PSMB7: variants seen among roughly 807,000 people sequenced by gnomAD.
PSMB7 encodes the protein proteasome 20S subunit beta 7, also known as proteasome subunit beta type-7.
In PSMB7, 5 loss-of-function variants were observed where a neutral mutation model predicts 28.1. The observed-to-expected ratio is 0.18, with a 90% CI of 0.09 to 0.37. PSMB7 has a LOEUF of 0.37. Ranked by LOEUF, PSMB7 falls within the 10% of genes least tolerant of loss-of-function variation. The pLI is 1.00. For missense variants in PSMB7, 275 were observed against 346.2 expected, an observed-to-expected ratio of 0.79 and a Z score of 1.63; for synonymous variants, 122 against 123.7, an observed-to-expected ratio of 0.99 and a Z score of 0.09.
intron 5 of PSMB7, among the ~76,000 whole-genome samples, chr9:124,403,523 C>T (rs958229613): frequency 1.3e-5 from 2 of 152,060 alleles, no homozygotes; most frequent in Non-Finnish European, 2.9e-5. Flanking sequence ...GAGAGCCTGT[C>T]AAAAAATCTC....
chr9:124,396,064 C>T (rs997405339), intron 5 of PSMB7, among the ~76,000 whole-genome samples: 2 of 152,204 alleles, frequency 1.3e-5, no homozygotes, highest in Non-Finnish European at 2.9e-5. Flanking sequence ...CAGCAACACA[C>T]GGCTATGAAG....
intron 6 of PSMB7, among the ~76,000 whole-genome samples, chr9:124,370,755 G>T (rs924878290): frequency 2.0e-5 from 3 of 152,182 alleles, no homozygotes; most frequent in African/African-American, 7.2e-5. Context: ...GTAGGCAGTG[G>T]TCTCAATTAA....
intron 5 of PSMB7, among the ~76,000 whole-genome samples, chr9:124,392,257 C>T (rs1248047333): frequency 1.3e-5 from 2 of 152,264 alleles, no homozygotes; most frequent in Non-Finnish European, 2.9e-5. Flanking sequence ...CAACTTCCCA[C>T]TCTTTCTTCA....
At position 124,356,828 on chromosome 9, in the gene PSMB7, C is replaced by G; in HGVS notation, c.658G>C (p.Val220Leu). The change falls in exon 7 of 8, where the codon GTC becomes CTC. Residue 220 changes from valine to leucine, a missense_variant. Physicochemically the swap from Val to Leu is conservative, Grantham distance 32. Coordinates refer to ENST00000259457, the MANE Select transcript of PSMB7 (RefSeq NM_002799.4). This position sits in a 1 kb window ranked among gnomAD's most constrained non-coding sequence, Gnocchi z 4.4. The stretch of plus-strand genomic sequence containing the variant: ...AAATCCAGCTTGTTCTTGCTGATGA[C>G]GCAGAGGTCAATGTTGCTTCCGGAG... ...LGSGSNIDLCVISKNKLDFLR... is the reference protein window; with the variant it reads ...LGSGSNIDLCLISKNKLDFLR... 2 of 1,614,138 alleles carry G rather than the reference C, an allele frequency of 1.2e-6. No individual in the cohort carries two copies. Among genetic ancestry groups the G allele is most frequent in the Non-Finnish European group, 1.7e-6 (2 of 1,180,016 alleles).
intron 6 of PSMB7, among the ~76,000 whole-genome samples, chr9:124,372,616 G>A (rs1215274947): frequency 6.6e-6 from 1 of 152,082 alleles, no homozygotes; most frequent in Non-Finnish European, 1.5e-5. Context: ...AATTAAATGG[G>A]AGTAAGTCAC....
intron 1 of PSMB7, 41 bp downstream of exon 1, chr9:124,415,323 C>T (rs766218636): frequency 1.9e-6 from 3 of 1,600,898 alleles, no homozygotes; most frequent in Non-Finnish European, 2.6e-6. Context: ...GAGCACCGCA[C>T]TCTTCTCCCT....
intron 5 of PSMB7, among the ~76,000 whole-genome samples, chr9:124,396,581 C>T (rs927845918): frequency 2.0e-5 from 3 of 152,160 alleles, no homozygotes; most frequent in African/African-American, 7.2e-5. Flanking sequence ...ACCTGGATGG[C>T]CCTGGCAGTG....
chr9:124,377,729 G>A (rs1484612651), intron 6 of PSMB7, among the ~76,000 whole-genome samples: 1 of 152,230 alleles, frequency 6.6e-6, no homozygotes, highest in African/African-American at 2.4e-5. Context: ...GCCGAGTGAT[G>A]AGATATGACT....
intron 5 of PSMB7, among the ~76,000 whole-genome samples, chr9:124,387,222 G>A (rs1228427144): frequency 6.6e-6 from 1 of 152,094 alleles, no homozygotes; most frequent in Non-Finnish European, 1.5e-5. Flanking sequence ...CTCCAGCCTG[G>A]GCGACAGAGC....
At chr9:124,380,418 A>G (rs1830652942) in intron 6 of PSMB7, among the ~76,000 whole-genome samples, 1 of 152,142 alleles carries the variant, frequency 6.6e-6, no homozygotes, top group Non-Finnish European at 1.5e-5. Flanking sequence ...GTACACAACT[A>G]TAGTCCCAGC....
rs201667750 is a variant in PSMB7 at position 124,414,884 on chromosome 9, C to T, written c.114G>A (p.Lys38=). 6.2e-7 allele frequency: 1 copy of T among 1,613,964 alleles called. No individual in the cohort carries two copies. The highest frequency in any genetic ancestry group is 1.3e-5 in the African/African-American group (1 of 75,002). ...CGATGGTCGTGCCAGTTTTCCGGAC[C>T]TTTGGAAGCTTGTATCCCCTCTTTG... The part of the protein sequence containing the change: ...DFAKRGYKLP[K]VRKTGTTIAG... The change falls in exon 2 of 8, where the codon AAG becomes AAA. Residue 38 remains lysine (K), a synonymous_variant. Transcript: ENST00000259457.
intron 5 of PSMB7, among the ~76,000 whole-genome samples, chr9:124,385,777 G>A (rs1830712483): frequency 6.6e-6 from 1 of 152,204 alleles, no homozygotes; most frequent in Non-Finnish European, 1.5e-5. Context: ...GTGTCCTGCT[G>A]ATTTTATCAA....
At chr9:124,381,623 A>C (rs1402311716) in intron 6 of PSMB7, among the ~76,000 whole-genome samples, 1 of 152,240 alleles carries the variant, frequency 6.6e-6, no homozygotes, top group Admixed American at 6.5e-5. Context: ...GTCTCCCTGG[A>C]AAGAAGGAAA....
chr9:124,399,051 AACAC>A (rs137926292), intron 5 of PSMB7, among the ~76,000 whole-genome samples: 1 of 2,808 alleles, frequency 3.6e-4, no homozygotes, highest in African/African-American at 4.4e-4. Flanking sequence ...TCACATTTAC[AACAC>A]TTTACAGCTA....
At chr9:124,405,283 G>A (rs908938545) in intron 5 of PSMB7, 34 bp downstream of exon 5, 6 of 1,436,106 alleles carry the variant, frequency 4.2e-6, no homozygotes, top group Non-Finnish European at 4.9e-6. Flanking sequence ...GTAAGTAAGA[G>A]TACTCTTAAA....
At chr9:124,368,046 A>G (rs1001244796) in intron 6 of PSMB7, among the ~76,000 whole-genome samples, 9 of 152,384 alleles carry the variant, frequency 5.9e-5, no homozygotes, top group Admixed American at 3.9e-4. Context: ...CACATCTTCC[A>G]TGTAGAATTA....
intron 7 of PSMB7, among the ~76,000 whole-genome samples, chr9:124,354,218 C>T (rs1027151914): frequency 2.0e-5 from 3 of 152,314 alleles, no homozygotes; most frequent in Non-Finnish European, 4.4e-5. Context: ...TCAGACCACT[C>T]TCAAGTCTCA....
chr9:124,356,120 G>A lies in PSMB7; in HGVS notation c.722+644C>T, dbSNP rs909120251. On this transcript the variant is annotated intron_variant, in intron 7 of 7. Transcript: ENST00000259457. The surrounding 1 kb of genome is among the most constrained non-coding windows in gnomAD (Gnocchi z 4.4). ...GGAGCCACAGGATGGTCAAGCAGCCGGACAATCACGAGACACTGCAAACGA... is the reference window on the plus strand; with the variant it reads ...GGAGCCACAGGATGGTCAAGCAGCCAGACAATCACGAGACACTGCAAACGA... Among the ~76,000 whole-genome samples the A allele has an allele frequency of 3.3e-5, 5 of 152,128 alleles. No homozygotes were observed. Among genetic ancestry groups the A allele is most frequent in the South Asian group, 2.1e-4 (1 of 4,824 alleles).
chr9:124,387,201 G>A (rs540582197), intron 5 of PSMB7, among the ~76,000 whole-genome samples: 6 of 152,238 alleles, frequency 3.9e-5, no homozygotes, highest in Admixed American at 2.0e-4. Flanking sequence ...AGCCCAGATC[G>A]CGCAACTGCA....
Sources: allele counts gnomAD v4.1 joint callset (sites outside exome capture counted in the v4.1 genomes callset), GRCh38; gene constraint gnomAD v4.1.1; non-coding constraint Gnocchi (gnomAD v3.1); transcripts MANE v1.5; gene names NCBI Gene and HGNC (gene_info 2026-07-23, HGNC 2026-07-21).